The following OR10G4 variants were observed in gnomAD, a reference collection of about 807,000 sequenced individuals.
OR10G4 encodes the protein olfactory receptor 10G4.
For missense variants in OR10G4, 318 were observed against 388.8 expected (o/e 0.82, Z 1.53); for synonymous variants, 130 against 159.3 (o/e 0.82, Z 1.39).
rs773543937 is a variant in OR10G4 at position 124,016,371 on chromosome 11, C to A, written c.797C>A (p.Ala266Asp). 1.9e-6 allele frequency: 3 copies of A among 1,614,062 alleles called. No individual in the cohort carries two copies. The highest frequency in any genetic ancestry group is 1.1e-5 in the South Asian group (1 of 91,086). Residue 266 changes from alanine (A) to aspartate (D), a missense_variant, in exon 2 of 2, where the codon GCC becomes GAC. Coordinates refer to ENST00000641722, the MANE Select transcript of OR10G4 (RefSeq NM_001004462.2). ...VIYLRPGSMD[A>D]MDGVVAIFYT... is the part of the protein sequence containing the mutation. ...TATCTGAGGCCAGGCTCCATGGATG[C>A]CATGGATGGAGTTGTGGCCATTTTC... is the stretch of plus-strand genomic sequence containing the variant.
intron 1 of OR10G4, among the ~76,000 whole-genome samples, chr11:124,013,762 T>A (rs939329366): frequency 6.6e-6 from 1 of 152,216 alleles, no homozygotes; most frequent in Non-Finnish European, 1.5e-5. Context: ...GTACAGAATC[T>A]CAGCTTTTCT....
intron 1 of OR10G4, among the ~76,000 whole-genome samples, chr11:124,014,036 A>G (rs899929693): frequency 1.3e-5 from 2 of 152,130 alleles, no homozygotes; most frequent in African/African-American, 2.4e-5. Flanking sequence ...TGTAGTTGGG[A>G]GAGCACATAT....
At chr11:124,013,435 C>G (rs906573279) in intron 1 of OR10G4, among the ~76,000 whole-genome samples, 5 of 152,162 alleles carry the variant, frequency 3.3e-5, no homozygotes, top group Non-Finnish European at 5.9e-5. Flanking sequence ...TTGGGTCCTG[C>G]TGGTACAGTA....
chr11:124,016,579 A>T lies in OR10G4; in HGVS notation c.*69A>T. The T allele has an allele frequency of 9.4e-7, 1 of 1,066,624 alleles. No individual in the cohort carries two copies. Among genetic ancestry groups the T allele is most frequent in the Non-Finnish European group, 1.3e-6 (1 of 742,984 alleles). 66.1% of individuals were successfully genotyped at this position (1,066,624 alleles called of 1,614,324 possible). ...TAATTTAGTTATTCATGTGAAATTGATTATATGTATAGTTCTCAGTGTTAA... is the reference window on the plus strand; with the variant it reads ...TAATTTAGTTATTCATGTGAAATTGTTTATATGTATAGTTCTCAGTGTTAA... On this transcript the variant is annotated 3_prime_UTR_variant, in exon 2 of 2. Coordinates refer to ENST00000641722, the MANE Select transcript of OR10G4 (RefSeq NM_001004462.2).
intron 1 of OR10G4, among the ~76,000 whole-genome samples, chr11:124,014,018 T>C (rs1487822888): frequency 6.6e-6 from 1 of 152,056 alleles, no homozygotes; most frequent in Non-Finnish European, 1.5e-5. Flanking sequence ...AGCCCCTATC[T>C]AGTAGATTGT....
chr11:124,018,524 C>T lies in OR10G4; in HGVS notation c.*2014C>T, dbSNP rs1490115988. ...GTTTCATCAATGTCCCTACAAAGAA[C>T]ATGAACTCATCCTTTCTTATGGCTG... On this transcript the variant is annotated 3_prime_UTR_variant, in exon 2 of 2. Coordinates refer to ENST00000641722, the MANE Select transcript of OR10G4 (RefSeq NM_001004462.2). 1 of 152,188 alleles carries T rather than the reference C, an allele frequency of 6.6e-6. No homozygotes were observed. The highest frequency in any genetic ancestry group is 6.5e-5 in the Admixed American group (1 of 15,290). 9.4% of individuals were successfully genotyped at this position (152,188 alleles called of 1,614,324 possible).
rs1032847603 is a variant in OR10G4 at position 124,017,525 on chromosome 11, C to G, written c.*1015C>G. ...TGCCGATAGTGCTGAGGATGAGAACCCGGAGCTGAATTTAATTTTAAGCGA... is the reference window on the plus strand; with the variant it reads ...TGCCGATAGTGCTGAGGATGAGAACGCGGAGCTGAATTTAATTTTAAGCGA... On this transcript the variant is annotated 3_prime_UTR_variant, in exon 2 of 2. Transcript: ENST00000641722. 6.6e-6 allele frequency: 1 copy of G among 152,038 alleles called. No homozygotes were observed. Among genetic ancestry groups the G allele is most frequent in the Non-Finnish European group, 1.5e-5 (1 of 68,006 alleles). 9.4% of individuals were successfully genotyped at this position (152,038 alleles called of 1,614,324 possible).
chr11:124,018,318 A>G lies in OR10G4; in HGVS notation c.*1808A>G, dbSNP rs974862308. 7 of 152,182 alleles carry G rather than the reference A, an allele frequency of 4.6e-5. No individual in the cohort carries two copies. The highest frequency in any genetic ancestry group is 1.0e-4 in the Non-Finnish European group (7 of 68,026). The allele number at this position is 152,182 out of a possible 1,614,324, so 9.4% of individuals were successfully genotyped here. Reference sequence around the variant, plus strand: ...CTGCACCCATCAACTCATCGGTTACATTAGGTATTTCCCCTAATGCTATCC... The same window carrying G: ...CTGCACCCATCAACTCATCGGTTACGTTAGGTATTTCCCCTAATGCTATCC... On this transcript the variant is annotated 3_prime_UTR_variant, in exon 2 of 2. Transcript: ENST00000641722.
At chr11:124,013,992 T>G (rs1386064646) in intron 1 of OR10G4, among the ~76,000 whole-genome samples, 2 of 152,258 alleles carry the variant, frequency 1.3e-5, no homozygotes, top group East Asian at 3.9e-4. Flanking sequence ...GATAGAGTGA[T>G]GTACAACAGA....
rs1471203410 is a variant in OR10G4 at position 124,018,342 on chromosome 11, C to G, written c.*1832C>G. On this transcript the variant is annotated 3_prime_UTR_variant, in exon 2 of 2. Transcript: ENST00000641722. ...CATTAGGTATTTCCCCTAATGCTATCCCTCCCCCAGCCCCCCACCCCCCAA... is the reference window on the plus strand; with the variant it reads ...CATTAGGTATTTCCCCTAATGCTATGCCTCCCCCAGCCCCCCACCCCCCAA... The G allele has an allele frequency of 1.4e-5, 2 of 146,018 alleles. No individual in the cohort carries two copies. Among genetic ancestry groups the G allele is most frequent in the Admixed American group, 6.9e-5 (1 of 14,484 alleles). 9.0% of individuals were successfully genotyped at this position (146,018 alleles called of 1,614,324 possible). A position where few individuals can be genotyped will look rare whatever the true frequency, so the allele number is the denominator to read the frequency against.
In OR10G4 at chr11:124,015,656, A is replaced by G. The variant is rs763194682; in HGVS notation, c.82A>G (p.Ile28Val). Residue 28 changes from isoleucine to valine, a missense_variant, in exon 2 of 2, where the codon ATC becomes GTC. Physicochemically the swap from Ile to Val is conservative, Grantham distance 29. Coordinates refer to ENST00000641722, the MANE Select transcript of OR10G4 (RefSeq NM_001004462.2). ...APGLDALLFG[I>V]FLVVYVLTVL... ...AGGGCTGGACGCCCTCCTCTTTGGAATCTTCCTGGTGGTTTACGTGCTCAC... is the reference window on the plus strand; with the variant it reads ...AGGGCTGGACGCCCTCCTCTTTGGAGTCTTCCTGGTGGTTTACGTGCTCAC... 1.9e-5 allele frequency: 31 copies of G among 1,606,948 alleles called. No homozygotes were observed. Among genetic ancestry groups the G allele is most frequent in the Middle Eastern group, 1.6e-4 (1 of 6,062 alleles).
At chr11:124,015,040 G>A (rs914157167) in intron 1 of OR10G4, 2 of 159,794 alleles carry the variant, frequency 1.3e-5, no homozygotes, top group Non-Finnish European at 1.4e-5. Context: ...TGTAAAATGA[G>A]ATTGATATGT....
intron 1 of OR10G4, among the ~76,000 whole-genome samples, chr11:124,014,476 A>T (rs1863997638): frequency 6.6e-6 from 1 of 152,190 alleles, no homozygotes; most frequent in South Asian, 2.1e-4. Flanking sequence ...CGCTTCCCAG[A>T]TGAAGCGATG....
In OR10G4 at chr11:124,016,175, G is replaced by A. The variant is rs1366220402; in HGVS notation, c.601G>A (p.Asp201Asn). The part of the protein sequence containing the change: ...TSANVMVIFV[D>N]IGIVASGCFV... The stretch of plus-strand genomic sequence containing the variant: ...AGCCAACGTGATGGTCATCTTTGTG[G>A]ACATTGGGATAGTGGCCTCAGGCTG... Residue 201 changes from aspartate to asparagine, a missense_variant, in exon 2 of 2, where the codon GAC (aspartate) becomes AAC (asparagine). Physicochemically the swap from Asp to Asn is conservative, Grantham distance 23. Transcript: ENST00000641722. The A allele has an allele frequency of 6.2e-7, 1 of 1,614,192 alleles. No individual in the cohort carries two copies. Among genetic ancestry groups the A allele is most frequent in the Non-Finnish European group, 8.5e-7 (1 of 1,180,022 alleles).
intron 1 of OR10G4, chr11:124,014,786 T>A (rs896253793): frequency 6.6e-6 from 1 of 152,122 alleles, no homozygotes; most frequent in African/African-American, 2.4e-5. Flanking sequence ...GAAAATAGAA[T>A]ATGGTAGGTG....
At position 124,016,297 on chromosome 11, in the gene OR10G4, C is replaced by T. The variant is rs768766847; in HGVS notation, c.723C>T (p.Ala241=). ...DGRRRAFQTC[A]SHCIVVLCFF... is the part of the protein sequence containing the mutation. ...GGCGCAGAGCCTTTCAGACCTGTGC[C>T]TCCCACTGTATTGTGGTCCTTTGCT... Residue 241 remains alanine (A), a synonymous_variant, in exon 2 of 2, where the codon GCC becomes GCT. Transcript: ENST00000641722. 5.6e-6 allele frequency: 9 copies of T among 1,614,068 alleles called. No homozygotes were observed. The highest frequency in any genetic ancestry group is 2.7e-5 in the African/African-American group (2 of 74,932).
Position 124,017,151 on chromosome 11 carries a change from G to A in OR10G4, c.*641G>A, listed in dbSNP as rs1864028574. On this transcript the variant is annotated 3_prime_UTR_variant, in exon 2 of 2. Coordinates refer to ENST00000641722, the MANE Select transcript of OR10G4 (RefSeq NM_001004462.2). ...CTATTTTAATTGGCAAGAATAGCTA[G>A]CTATTAATATTTAAAATATTACCAA... The A allele has an allele frequency of 6.6e-6, 1 of 152,064 alleles. No individual in the cohort carries two copies. The highest frequency in any genetic ancestry group is 2.1e-4 in the South Asian group (1 of 4,828). 9.4% of individuals were successfully genotyped at this position (152,064 alleles called of 1,614,324 possible).
intron 1 of OR10G4, among the ~76,000 whole-genome samples, chr11:124,014,166 A>G (rs1863995586): frequency 6.6e-6 from 1 of 152,134 alleles, no homozygotes; most frequent in South Asian, 2.1e-4. Context: ...TAGGAATCCC[A>G]CTATAGAGTT....
At position 124,016,521 on chromosome 11, in the gene OR10G4, G is replaced by A; in HGVS notation, c.*11G>A. The A allele has an allele frequency of 6.5e-7, 1 of 1,536,770 alleles. No homozygotes were observed. On this transcript the variant is annotated 3_prime_UTR_variant, in exon 2 of 2. Coordinates refer to ENST00000641722, the MANE Select transcript of OR10G4 (RefSeq NM_001004462.2). ...CCTCAGAGGAAATAAATACTAGGAA[G>A]TAAATACACTAGTTTGTTTAAAAAT...
Sources: allele counts gnomAD v4.1 joint callset (sites outside exome capture counted in the v4.1 genomes callset), GRCh38; gene constraint gnomAD v4.1.1; transcripts MANE v1.5; gene names NCBI Gene and HGNC (gene_info 2026-07-23, HGNC 2026-07-21).